IRAG2: variants seen among roughly 807,000 people sequenced by gnomAD.
The protein encoded by IRAG2 is inositol 1,4,5-triphosphate receptor associated 2.
In IRAG2, 45 loss-of-function variants were observed where a neutral mutation model predicts 69.9. The ratio of observed to expected loss-of-function variants is 0.64; its 90% CI spans 0.51 to 0.83. IRAG2 has a LOEUF of 0.83. IRAG2 is among the 40% of genes least tolerant of loss of function. The pLI, the probability that IRAG2 is intolerant of heterozygous loss-of-function variation, is 0.00. For synonymous variants in IRAG2, 193 were observed against 202.4 expected (o/e 0.95, Z 0.40); for missense variants, 520 against 587.0 (o/e 0.89, Z 1.18).
intron 8 of IRAG2, among the ~76,000 whole-genome samples, chr12:25,026,179 T>G (rs1374040764): frequency 1.3e-5 from 2 of 152,146 alleles, no homozygotes; most frequent in Admixed American, 6.5e-5. Context: ...ACCCCCTGAT[T>G]TAGGTAAAAG....
chr12:25,106,323 A>G (rs964421280), intron 20 of IRAG2, among the ~76,000 whole-genome samples: 17 of 147,812 alleles, frequency 1.2e-4, no homozygotes, highest in Non-Finnish European at 2.4e-4. Flanking sequence ...ATCCATATAC[A>G]AAACATATAT....
At chr12:25,018,534 C>T (rs1473646837) in intron 6 of IRAG2, among the ~76,000 whole-genome samples, 1 of 152,008 alleles carries the variant, frequency 6.6e-6, no homozygotes, top group Non-Finnish European at 1.5e-5. Context: ...CATTCTCATC[C>T]TCAAAATCTT....
At chr12:24,999,174 T>C in the IRAG2 span, among the ~76,000 whole-genome samples, 2 of 152,240 alleles carry the variant, frequency 1.3e-5, no homozygotes, top group African/African-American at 4.8e-5. Flanking sequence ...GATTAACTCA[T>C]TGAAGTCAGA....
chr12:25,011,286 G>C, intron 2 of IRAG2: 1 of 1,132,584 alleles, frequency 8.8e-7, no homozygotes. Context: ...CTAGGATCAG[G>C]AAACATTAAA....
In IRAG2 at chr12:25,107,992, T is replaced by C. The variant is rs768867004; in HGVS notation, c.1432T>C (p.Trp478Arg). The change falls in exon 22 of 22, where the codon TGG (tryptophan) becomes CGG (arginine). Residue 478 changes from tryptophan to arginine, a missense_variant. Coordinates refer to ENST00000556887, the MANE Select transcript of IRAG2 (RefSeq NM_001366544.2). Reference protein sequence around the residue: ...DAAPTQQEDSWTSLEHILWPF... With the variant: ...DAAPTQQEDSRTSLEHILWPF... ...CGCTCCCACACAGCAAGAGGACTCA[T>C]GGACGTCTCTAGAACATATCTTGTG... 12 of 1,613,972 alleles carry C rather than the reference T, an allele frequency of 7.4e-6. No individual in the cohort carries two copies. Among genetic ancestry groups the C allele is most frequent in the Non-Finnish European group, 1.0e-5 (12 of 1,179,816 alleles).
intron 1 of IRAG2, among the ~76,000 whole-genome samples, chr12:25,055,544 G>C (rs747163168): frequency 1.3e-5 from 2 of 152,058 alleles, no homozygotes; most frequent in Non-Finnish European, 2.9e-5. Context: ...TACCATGTTG[G>C]TGTGCTGCAC....
intron 1 of IRAG2, among the ~76,000 whole-genome samples, 158 bp downstream of exon 1, chr12:25,053,114 T>G (rs915085176): frequency 6.6e-6 from 1 of 152,056 alleles, no homozygotes; most frequent in Non-Finnish European, 1.5e-5. Flanking sequence ...TTCAGAGAGG[T>G]TTGCTGAGTG....
At chr12:25,012,031 A>G (rs1426344136) in intron 3 of IRAG2, among the ~76,000 whole-genome samples, 5 of 152,120 alleles carry the variant, frequency 3.3e-5, no homozygotes, top group Admixed American at 2.0e-4. Context: ...AACAAGAAAG[A>G]ATAGTAGAAT....
intron 3 of IRAG2, among the ~76,000 whole-genome samples, chr12:25,013,186 T>C (rs371460939): frequency 2.0e-5 from 3 of 152,140 alleles, no homozygotes; most frequent in African/African-American, 4.8e-5. Context: ...CTTAAAAATA[T>C]GCAGTCTTGG....
upstream of IRAG2, among the ~76,000 whole-genome samples, chr12:25,001,774 T>TC (rs1944392950): frequency 6.6e-6 from 1 of 150,672 alleles, no homozygotes; most frequent in Non-Finnish European, 1.5e-5. Context: ...CTTTTGGTTT[T>TC]TTTTTTTTTT....
intron 2 of IRAG2, among the ~76,000 whole-genome samples, 169 bp from the exon 3 acceptor site, chr12:25,062,651 G>A (rs1432287173): frequency 6.6e-6 from 1 of 152,136 alleles, no homozygotes; most frequent in African/African-American, 2.4e-5. Flanking sequence ...AAATACAATG[G>A]GAGGTTTAAA....
chr12:25,077,537 C>T (rs1565563941), intron 6 of IRAG2, among the ~76,000 whole-genome samples: 1 of 151,236 alleles, frequency 6.6e-6, no homozygotes, highest in Non-Finnish European at 1.5e-5. Context: ...CAGATATCCC[C>T]ACGCTGTTAA....
At chr12:25,005,196 A>T in intron 1 of IRAG2, 2 of 933,162 alleles carry the variant, frequency 2.1e-6, no homozygotes, top group Non-Finnish European at 2.8e-6. Context: ...ATTAATCATT[A>T]TAGCACAGAA....
At chr12:25,088,578 A>T (rs1947806353) in intron 11 of IRAG2, among the ~76,000 whole-genome samples, 1 of 152,196 alleles carries the variant, frequency 6.6e-6, no homozygotes, top group Admixed American at 6.5e-5. Flanking sequence ...TCTACATGGG[A>T]TCAATCTCTG....
Position 25,101,304 on chromosome 12 carries a change from T to C in IRAG2, c.868T>C (p.Phe290Leu), listed in dbSNP as rs1286023708. Residue 290 changes from phenylalanine (F) to leucine (L), a missense_variant, in exon 16 of 22, where the codon TTC (phenylalanine) becomes CTC (leucine). Coordinates refer to ENST00000556887, the MANE Select transcript of IRAG2 (RefSeq NM_001366544.2). ...GGTTCTTCTGCAGAATGAAAGGTCT[T>C]TCAATCCTCTTGAAGATGATGGTAA... is the stretch of plus-strand genomic sequence containing the variant. ...KQVLLQNERS[F>L]NPLEDDDDCQ... is the part of the protein sequence containing the mutation. The C allele has an allele frequency of 2.5e-5, 40 of 1,603,198 alleles. No individual in the cohort carries two copies. The highest frequency in any genetic ancestry group is 3.4e-5 in the Non-Finnish European group (40 of 1,174,454).
At chr12:25,080,988 G>T (rs1461957532) in intron 9 of IRAG2, among the ~76,000 whole-genome samples, 1 of 152,100 alleles carries the variant, frequency 6.6e-6, no homozygotes, top group Non-Finnish European at 1.5e-5. Context: ...ACCGCCAGTG[G>T]ATTCCCAAAA....
At chr12:25,076,934 G>C (rs577664818) in intron 6 of IRAG2, among the ~76,000 whole-genome samples, 259 of 151,024 alleles carry the variant, frequency 1.7e-3, no homozygotes, top group Non-Finnish European at 3.2e-3. Flanking sequence ...GGGGTGCAGT[G>C]GTATGATCAC....
At chr12:25,087,703 G>A (rs1353842506) in intron 10 of IRAG2, among the ~76,000 whole-genome samples, 1 of 152,120 alleles carries the variant, frequency 6.6e-6, no homozygotes, top group East Asian at 1.9e-4. Flanking sequence ...ACCCATTCGA[G>A]GCTGTTAGGA....
intron 1 of IRAG2, among the ~76,000 whole-genome samples, chr12:25,060,052 G>A (rs1591968125): frequency 6.6e-6 from 1 of 152,146 alleles, no homozygotes; most frequent in Admixed American, 6.5e-5. Flanking sequence ...TTAAAAAAAA[G>A]TGGTAGCTAT....
Sources: allele counts gnomAD v4.1 joint callset (sites outside exome capture counted in the v4.1 genomes callset), GRCh38; gene constraint gnomAD v4.1.1; transcripts MANE v1.5; gene names NCBI Gene and HGNC (gene_info 2026-07-23, HGNC 2026-07-21).